The following RNASEH2B variants were observed in gnomAD, a reference collection of about 807,000 sequenced individuals.
The protein encoded by RNASEH2B is ribonuclease H2 subunit B.
In RNASEH2B, 36 loss-of-function variants were observed where a neutral mutation model predicts 45.0. That is an observed-to-expected ratio of 0.80 (90% CI 0.61 to 1.06). The LOEUF is 1.06. Among genes scored for constraint, RNASEH2B ranks in the 50% least tolerant of loss-of-function variants. The probability of loss-of-function intolerance (pLI) is 0.00; values close to 1 mark genes in which losing one functional copy is unlikely to be tolerated. For synonymous variants in RNASEH2B, 119 were observed against 125.7 expected, an observed-to-expected ratio of 0.95 and a Z score of 0.35; for missense variants, 361 against 360.3, an observed-to-expected ratio of 1.00 and a Z score of -0.02.
chr13:50,947,209 A>G (rs1309574768), intron 7 of RNASEH2B, among the ~76,000 whole-genome samples: 1 of 152,156 alleles, frequency 6.6e-6, no homozygotes, highest in East Asian at 1.9e-4. Flanking sequence ...TGTATTCTAC[A>G]TAAAATACTG....
chr13:50,947,386 A>AGTGTGTGTGTGTGTGTGTGTGT, intron 7 of RNASEH2B, among the ~76,000 whole-genome samples: 1 of 145,888 alleles, frequency 6.9e-6, no homozygotes, highest in East Asian at 2.0e-4. Flanking sequence ...TTAGTTTGGG[A>AGTGTGTGTGTGTGTGTGTGTGT]GTGTGTGTGT....
At chr13:50,946,579 A>G (rs1951903667) in intron 7 of RNASEH2B, among the ~76,000 whole-genome samples, 2 of 152,158 alleles carry the variant, frequency 1.3e-5, no homozygotes, top group Non-Finnish European at 2.9e-5. Flanking sequence ...CCATGGATGG[A>G]TGGATGGAAC....
At chr13:50,941,225 A>AT (rs1216859980) in intron 5 of RNASEH2B, 1 of 152,134 alleles carries the variant, frequency 6.6e-6, no homozygotes, top group Non-Finnish European at 1.5e-5. Flanking sequence ...ATTTGTATGG[A>AT]TTATCACATT....
chr13:50,970,400 A>G (rs2138050101), exon 10 of RNASEH2B: 1 of 325,280 alleles, frequency 3.1e-6, no homozygotes, highest in Non-Finnish European at 5.5e-6. Flanking sequence ...ATTCATAAAT[A>G]TACCTAAACG....
intron 5 of RNASEH2B, chr13:50,938,067 G>A (rs1466627107): frequency 1.3e-5 from 2 of 152,180 alleles, no homozygotes; most frequent in South Asian, 2.1e-4. Context: ...TACTAGAATT[G>A]ATAAGCAAAG....
Position 50,956,699 on chromosome 13 carries a change from A to G in RNASEH2B, c.*225A>G. On this transcript the variant is annotated 3_prime_UTR_variant, in exon 11 of 11. Transcript: ENST00000336617. ...AGTCTCATCTGACATAATGAAAAGT[A>G]ATCACTTGAAGAGAATTAACATATA... 2.4e-6 allele frequency: 3 copies of G among 1,273,146 alleles called. No homozygotes were observed. The South Asian group carries it at 4.7e-5, about 20-fold the overall frequency. 78.9% of individuals were successfully genotyped at this position (1,273,146 alleles called of 1,614,324 possible).
chr13:50,970,245 A>G (rs941091215), exon 10 of RNASEH2B: 6 of 551,862 alleles, frequency 1.1e-5, no homozygotes, highest in Non-Finnish European at 1.9e-5. Flanking sequence ...AGCTTGGGTC[A>G]GGCCAGCATG....
intron 5 of RNASEH2B, 151 bp from the exon 6 acceptor site, chr13:50,943,170 C>A (rs2137981692): frequency 1.5e-5 from 9 of 585,676 alleles, no homozygotes; most frequent in Middle Eastern, 4.8e-4. Context: ...TTTAAAAAAA[C>A]ATTTCAAGTA....
intron 7 of RNASEH2B, among the ~76,000 whole-genome samples, 189 bp from the exon 8 acceptor site, chr13:50,947,798 T>A (rs1951922974): frequency 6.6e-6 from 1 of 152,096 alleles, no homozygotes; most frequent in Non-Finnish European, 1.5e-5. Flanking sequence ...ATCCCTCATA[T>A]CTTCCCACTA....
chr13:50,918,002 C>T (rs1356485577), intron 1 of RNASEH2B, among the ~76,000 whole-genome samples: 3 of 152,154 alleles, frequency 2.0e-5, no homozygotes, highest in Non-Finnish European at 4.4e-5. Flanking sequence ...GGCTGTGAAC[C>T]TGAATATTTT....
At chr13:50,951,083 C>A (rs1056560278) in intron 9 of RNASEH2B, 2 of 152,182 alleles carry the variant, frequency 1.3e-5, no homozygotes, top group African/African-American at 4.8e-5. Flanking sequence ...TGGATTTGGC[C>A]CCTGGGCCAT....
At chr13:50,948,300 G>T (rs905727117) in intron 8 of RNASEH2B, 1 of 577,658 alleles carries the variant, frequency 1.7e-6, no homozygotes, top group South Asian at 2.8e-5. Context: ...ATTATGGCTT[G>T]GTCTGATTTT....
chr13:50,932,133 C>T lies in RNASEH2B; in HGVS notation c.321+1374C>T, dbSNP rs573859062. On this transcript the variant is annotated intron_variant, in intron 4 of 10. Transcript: ENST00000336617. ...TGGCCGCAAATATTGTCAATCTTTC[C>T]CGTGAAATGACAGGCTCACTTCGTT... Among the ~76,000 whole-genome samples, 11 of 152,208 alleles carry T rather than the reference C, an allele frequency of 7.2e-5. No homozygotes were observed. The South Asian group carries it at 2.3e-3, about 32-fold the overall frequency.
Position 50,964,485 on chromosome 13 carries a change from A to G in RNASEH2B, c.742-5447A>G, listed in dbSNP as rs531119926. On this transcript the variant is annotated intron_variant, in intron 9 of 9. Transcript: ENST00000422660. Reference sequence around the variant, plus strand: ...CATAGAGTGCCATACGAGCCAGAATAGTGACACCCACCCAAAGCTCAAAAG... The same window carrying G: ...CATAGAGTGCCATACGAGCCAGAATGGTGACACCCACCCAAAGCTCAAAAG... Among the ~76,000 whole-genome samples, 52 of 152,310 alleles carry G rather than the reference A, an allele frequency of 3.4e-4. 1 individual carries two copies. Among genetic ancestry groups the G allele is most frequent in the South Asian group, 2.9e-3 (14 of 4,830 alleles).
downstream of RNASEH2B, among the ~76,000 whole-genome samples, chr13:50,958,599 T>G (rs1210961834): frequency 2.0e-5 from 3 of 152,210 alleles, no homozygotes; most frequent in Non-Finnish European, 4.4e-5. Flanking sequence ...CATATGAATT[T>G]TAGAATAGTT....
chr13:50,948,257 G>A (rs942293381), intron 8 of RNASEH2B, 189 bp downstream of exon 8: 13 of 842,842 alleles, frequency 1.5e-5, no homozygotes, highest in East Asian at 6.0e-5. Flanking sequence ...TGATGGATAC[G>A]GATTGCAGGA....
chr13:50,945,712 G>T (rs1044314102), intron 7 of RNASEH2B, among the ~76,000 whole-genome samples, 180 bp downstream of exon 7: 2 of 152,110 alleles, frequency 1.3e-5, no homozygotes, highest in Non-Finnish European at 2.9e-5. Flanking sequence ...TCTACCATAG[G>T]TTACTTCTGT....
At chr13:50,959,895 T>C (rs1397051872), downstream of RNASEH2B, 2 of 276,384 alleles carry the variant, frequency 7.2e-6, no homozygotes, top group Non-Finnish European at 1.3e-5. Flanking sequence ...TTTGTCAAGT[T>C]CTAAGAGTAA....
intron 1 of RNASEH2B, among the ~76,000 whole-genome samples, chr13:50,924,443 A>G (rs1049252050): frequency 6.6e-6 from 1 of 152,262 alleles, no homozygotes; most frequent in Non-Finnish European, 1.5e-5. Context: ...TACTAGACAC[A>G]TAACAGTCTA....
Sources: allele counts gnomAD v4.1 joint callset (sites outside exome capture counted in the v4.1 genomes callset), GRCh38; gene constraint gnomAD v4.1.1; transcripts MANE v1.5; gene names NCBI Gene and HGNC (gene_info 2026-07-23, HGNC 2026-07-21).